Variants in MACROD2 observed in about 807,000 individuals in gnomAD.
MACROD2 encodes the protein mono-ADP ribosylhydrolase 2.
Under a neutral mutation model 70.4 loss-of-function variants are expected in MACROD2, and 36 were observed. That is an observed-to-expected ratio of 0.51 (90% CI 0.39 to 0.68). The LOEUF (loss-of-function observed/expected upper bound fraction) is 0.68, where lower values mean the gene tolerates loss of function less well. Among genes scored for constraint, MACROD2 ranks in the 30% least tolerant of loss-of-function variants. MACROD2 has a pLI of 0.00. For synonymous variants in MACROD2, 172 were observed against 178.8 expected, an observed-to-expected ratio of 0.96 and a Z score of 0.30; for missense variants, 496 against 538.4, an observed-to-expected ratio of 0.92 and a Z score of 0.78.
intron 3 of MACROD2, among the ~76,000 whole-genome samples, chr20:14,221,011 T>G (rs2081668997): frequency 6.6e-6 from 1 of 152,196 alleles, no homozygotes; most frequent in Non-Finnish European, 1.5e-5. Flanking sequence ...TGTCCAGAGC[T>G]GCAATCTAGT....
intron 10 of MACROD2, among the ~76,000 whole-genome samples, chr20:15,901,008 C>G (rs2147243516): frequency 6.6e-6 from 1 of 152,298 alleles, no homozygotes; most frequent in Admixed American, 6.5e-5. Context: ...AGAGCTCCCT[C>G]CCACCAAAGA....
At chr20:15,386,554 A>G (rs965295271) in intron 6 of MACROD2, among the ~76,000 whole-genome samples, 1 of 152,218 alleles carries the variant, frequency 6.6e-6, no homozygotes, top group Non-Finnish European at 1.5e-5. Flanking sequence ...CCCTGGAGTC[A>G]GTGAGCGATG....
intron 8 of MACROD2, among the ~76,000 whole-genome samples, chr20:15,558,920 A>G (rs1235827319): frequency 6.6e-6 from 1 of 152,204 alleles, no homozygotes; most frequent in Non-Finnish European, 1.5e-5. Context: ...ACTCTGACTG[A>G]ACCATTTAGT....
At chr20:13,999,123 C>T (rs2052700065) in intron 1 of MACROD2, among the ~76,000 whole-genome samples, 1 of 152,128 alleles carries the variant, frequency 6.6e-6, no homozygotes, top group African/African-American at 2.4e-5. Flanking sequence ...AATCTTTCTG[C>T]TGTGCTCTTT....
intron 3 of MACROD2, among the ~76,000 whole-genome samples, chr20:14,189,979 T>A (rs1158242140): frequency 1.3e-5 from 2 of 152,148 alleles, no homozygotes; most frequent in Non-Finnish European, 2.9e-5. Context: ...ACATAAAGCT[T>A]CACTCAAGAG....
intron 8 of MACROD2, among the ~76,000 whole-genome samples, chr20:15,764,971 A>C (rs1275947565): frequency 2.0e-5 from 3 of 151,820 alleles, no homozygotes; most frequent in Non-Finnish European, 2.9e-5. Flanking sequence ...GCTTGTGTCC[A>C]CCTCGAGCCT....
At chr20:14,699,024 C>CT (rs2071161087) in intron 5 of MACROD2, among the ~76,000 whole-genome samples, 2 of 151,828 alleles carry the variant, frequency 1.3e-5, no homozygotes, top group African/African-American at 4.8e-5. Context: ...TGCTGCACAT[C>CT]TTTTTCATAT....
At chr20:15,606,585 C>T (rs905183915) in intron 8 of MACROD2, among the ~76,000 whole-genome samples, 5 of 152,128 alleles carry the variant, frequency 3.3e-5, no homozygotes, top group African/African-American at 1.2e-4. Context: ...GAGAACAGAG[C>T]CTTGACAACT....
chr20:15,094,159 G>C (rs1229681715), intron 5 of MACROD2, among the ~76,000 whole-genome samples: 1 of 152,184 alleles, frequency 6.6e-6, no homozygotes, highest in African/African-American at 2.4e-5. Context: ...TGAAGTGTCA[G>C]TTAGATATAT....
chr20:15,557,229 AT>A (rs897302523), intron 8 of MACROD2, among the ~76,000 whole-genome samples: 14 of 150,564 alleles, frequency 9.3e-5, no homozygotes, highest in African/African-American at 3.0e-4. Context: ...AAAAAAAAAA[AT>A]GTTTTCCTTA....
chr20:15,631,691 C>T (rs1473977503), intron 8 of MACROD2, among the ~76,000 whole-genome samples: 1 of 152,110 alleles, frequency 6.6e-6, no homozygotes, highest in East Asian at 1.9e-4. Flanking sequence ...CAAAAAGCAC[C>T]AAGAGTGGCT....
intron 5 of MACROD2, among the ~76,000 whole-genome samples, chr20:14,721,948 C>A (rs1402611089): frequency 3.9e-5 from 6 of 152,154 alleles, no homozygotes; most frequent in African/African-American, 1.4e-4. Context: ...CCATGACAGA[C>A]TAGAATTCTA....
At chr20:15,122,052 G>A (rs986341504) in intron 5 of MACROD2, among the ~76,000 whole-genome samples, 1 of 151,946 alleles carries the variant, frequency 6.6e-6, no homozygotes, top group African/African-American at 2.4e-5. Context: ...TGTTTTTAAT[G>A]TGCTTTTCTT....
chr20:15,026,994 T>A (rs1009949075), intron 5 of MACROD2, among the ~76,000 whole-genome samples: 1 of 152,176 alleles, frequency 6.6e-6, no homozygotes, highest in African/African-American at 2.4e-5. Flanking sequence ...TCTCTATTTG[T>A]TTCCTAGGCA....
rs112149964 is a variant in MACROD2 at position 15,771,479 on chromosome 20, T to C, written c.646-91266T>C. On this transcript the variant is annotated intron_variant, in intron 8 of 17. Transcript: ENST00000684519. ...ATTATGGATGTGAACCATCACGCCCTGCCAGATGTTTGATTTTTAAAGAGG... is the reference window on the plus strand; with the variant it reads ...ATTATGGATGTGAACCATCACGCCCCGCCAGATGTTTGATTTTTAAAGAGG... 9.2e-5 allele frequency among the ~76,000 whole-genome samples: 14 copies of C among 152,022 alleles called. 1 individual carries two copies. Among genetic ancestry groups the C allele is most frequent in the African/African-American group, 3.1e-4 (13 of 41,504 alleles).
chr20:15,437,533 A>G (rs183177823), intron 7 of MACROD2, among the ~76,000 whole-genome samples: 2 of 152,308 alleles, frequency 1.3e-5, no homozygotes, highest in Non-Finnish European at 2.9e-5. Context: ...TTGGGGGTAC[A>G]TGTGAAGGTT....
In MACROD2 at chr20:15,337,740, G is replaced by A. The variant is rs1387424451; in HGVS notation, c.541-93665G>A. On this transcript the variant is annotated intron_variant, in intron 6 of 17. Transcript: ENST00000684519. ...AACAGTTCATGAATTGGGAGACTTT[G>A]ACATGGAAACATGACATGAGTCTCA... is the stretch of plus-strand genomic sequence containing the variant. Among the ~76,000 whole-genome samples, 3 of 151,680 alleles carry A rather than the reference G, an allele frequency of 2.0e-5. 1 individual carries two copies. The highest frequency in any genetic ancestry group is 4.9e-5 in the African/African-American group (2 of 41,040).
chr20:14,815,601 A>C (rs553104476), intron 5 of MACROD2, among the ~76,000 whole-genome samples: 1 of 152,164 alleles, frequency 6.6e-6, no homozygotes, highest in South Asian at 2.1e-4. Flanking sequence ...GGTGCTGTTT[A>C]GTATTACAAT....
rs912250005 is a variant in MACROD2 at position 15,726,204 on chromosome 20, A to C, written c.646-136541A>C. ...GCATTTGGTTTTCTGGTTCTACGTTAGTTCTCTTAGGATAATTGCCCCCAG... is the reference window on the plus strand; with the variant it reads ...GCATTTGGTTTTCTGGTTCTACGTTCGTTCTCTTAGGATAATTGCCCCCAG... On this transcript the variant is annotated intron_variant, in intron 8 of 17. Transcript: ENST00000684519. Among the ~76,000 whole-genome samples the C allele has an allele frequency of 3.3e-5, 5 of 152,232 alleles. 1 individual carries two copies. The Middle Eastern group carries it at 0.01, about 311-fold the overall frequency.
Sources: gnomAD v4.1 joint callset for allele counts (sites outside exome capture counted in the v4.1 genomes callset) on GRCh38, gnomAD v4.1.1 for gene constraint, MANE v1.5 for transcripts, NCBI Gene and HGNC (gene_info 2026-07-23, HGNC 2026-07-21) for gene names.